MCOLN3: variants seen among roughly 807,000 people sequenced by gnomAD.
MCOLN3 encodes the protein mucolipin-3.
A neutral mutation model predicts 69.4 loss-of-function variants in MCOLN3; 62 were observed. The ratio of observed to expected loss-of-function variants is 0.89; its 90% CI spans 0.73 to 1.10. The LOEUF is 1.10. Ranked by LOEUF, MCOLN3 falls within the 50% of genes least tolerant of loss-of-function variation. The pLI is 0.00. For missense variants in MCOLN3, 564 were observed against 656.4 expected, an observed-to-expected ratio of 0.86 and a Z score of 1.54; for synonymous variants, 183 against 217.0, an observed-to-expected ratio of 0.84 and a Z score of 1.38.
At position 85,034,258 on chromosome 1, in the gene MCOLN3, C is replaced by T. The variant is rs139020532; in HGVS notation, c.397-7G>A. 8.8e-5 allele frequency: 142 copies of T among 1,613,798 alleles called. No individual in the cohort carries two copies. In the East Asian group the frequency reaches 2.2e-3, roughly 25 times the overall value. Reference sequence around the variant, plus strand: ...CATTGTATAGCTGCAAGTACTTCAACCAAAATGAGAAACAGAAAATGGGAA... The same window carrying T: ...CATTGTATAGCTGCAAGTACTTCAATCAAAATGAGAAACAGAAAATGGGAA... On this transcript the variant is annotated splice_region_variant and splice_polypyrimidine_tract_variant and intron_variant, in intron 3 of 12. Coordinates refer to ENST00000370589, the MANE Select transcript of MCOLN3 (RefSeq NM_018298.11).
chr1:85,038,490 T>C (rs1284196974), intron 3 of MCOLN3, among the ~76,000 whole-genome samples: 1 of 152,170 alleles, frequency 6.6e-6, no homozygotes, highest in East Asian at 1.9e-4. Context: ...AATCACAGTA[T>C]TGGATCAGAA....
chr1:85,046,302 T>C (rs1653348514), intron 1 of MCOLN3, among the ~76,000 whole-genome samples: 1 of 4,606 alleles, frequency 2.2e-4, no homozygotes, highest in Admixed American at 4.1e-3. Context: ...ACTTCATATC[T>C]ATTTGGGGGG....
At chr1:85,019,893 A>G (rs1365524379) in intron 12 of MCOLN3, among the ~76,000 whole-genome samples, 1 of 152,208 alleles carries the variant, frequency 6.6e-6, no homozygotes, top group Non-Finnish European at 1.5e-5. Flanking sequence ...TGGGACCTAA[A>G]ATTTCTAGGA....
At chr1:85,046,309 G>A (rs1405952893) in intron 1 of MCOLN3, among the ~76,000 whole-genome samples, 3 of 1,200 alleles carry the variant, frequency 2.5e-3, no homozygotes, top group African/African-American at 3.2e-3. Flanking sequence ...ATCTATTTGG[G>A]GGGGGGGGCA....
chr1:85,019,649 A>G (rs1405873060), intron 12 of MCOLN3, among the ~76,000 whole-genome samples: 1 of 152,212 alleles, frequency 6.6e-6, no homozygotes, highest in Non-Finnish European at 1.5e-5. Flanking sequence ...AACATGGTTC[A>G]GGCCACAAGA....
intron 3 of MCOLN3, chr1:85,036,654 C>T (rs9804097): frequency 0.99 from 150,586 of 152,238 alleles, 74,492 homozygotes; most frequent in Middle Eastern, 1. Context: ...CCCCAGCTCC[C>T]CTGGCCCTAA....
chr1:85,021,061 T>C lies in MCOLN3; in HGVS notation c.1527+9A>G. 1.9e-6 allele frequency: 3 copies of C among 1,597,994 alleles called. No individual in the cohort carries two copies. The highest frequency in any genetic ancestry group is 2.6e-6 in the Non-Finnish European group (3 of 1,169,928). On this transcript the variant is annotated intron_variant, in intron 12 of 12. Coordinates refer to ENST00000370589, the MANE Select transcript of MCOLN3 (RefSeq NM_018298.11). ...CAATGCTACTACTTATGGCTCTTGATAAACCTACCTTAATTGTTTCGTATG... is the reference window on the plus strand; with the variant it reads ...CAATGCTACTACTTATGGCTCTTGACAAACCTACCTTAATTGTTTCGTATG...
chr1:85,024,603 G>GAGGATAAT (rs1203770339), intron 9 of MCOLN3: 2 of 152,100 alleles, frequency 1.3e-5, no homozygotes, highest in Non-Finnish European at 2.9e-5. Flanking sequence ...ATGAGGATAG[G>GAGGATAAT]ACAAGGGTAT....
intron 7 of MCOLN3, 126 bp from the exon 8 acceptor site, chr1:85,026,410 A>G: frequency 1.5e-6 from 1 of 682,522 alleles, no homozygotes. Flanking sequence ...GCCCTGATAA[A>G]CGGTCTTCCA....
chr1:85,034,759 T>C (rs1652727138), intron 3 of MCOLN3, among the ~76,000 whole-genome samples: 1 of 152,216 alleles, frequency 6.6e-6, no homozygotes, highest in Admixed American at 6.5e-5. Context: ...CAATATTGCC[T>C]ATCCTAGTGG....
At chr1:85,038,276 G>A (rs1263765244) in intron 3 of MCOLN3, among the ~76,000 whole-genome samples, 3 of 152,134 alleles carry the variant, frequency 2.0e-5, no homozygotes, top group Non-Finnish European at 4.4e-5. Context: ...CTGAGGCTGG[G>A]TAGTGGAGGA....
At chr1:85,041,896 A>G (rs1197798396) in intron 2 of MCOLN3, among the ~76,000 whole-genome samples, 3 of 136,208 alleles carry the variant, frequency 2.2e-5, no homozygotes, top group African/African-American at 8.1e-5. Context: ...AAAAAAGCTT[A>G]CCATACTCTT....
rs149154630 is a variant in MCOLN3 at position 85,021,218 on chromosome 1, A to G, written c.1379T>C (p.Met460Thr). 1.2e-6 allele frequency: 2 copies of G among 1,613,966 alleles called. No homozygotes were observed. Among genetic ancestry groups the G allele is most frequent in the Non-Finnish European group, 1.7e-6 (2 of 1,179,902 alleles). ...CTGCATTTTTGCAAACGTGGCAAAC[A>G]TATCATCTCCATTTATCAGAGAGAA... ...CLFSLINGDD[M>T]FATFAKMQQK... Residue 460 changes from methionine to threonine, a missense_variant, in exon 12 of 13, where the codon ATG becomes ACG. By Grantham distance (81) the Met-to-Thr change is moderately conservative. Transcript: ENST00000370589.
rs1461505024 is a variant in MCOLN3, at chr1:85,044,476, C to T, written c.228+657G>A. 2.6e-5 allele frequency among the ~76,000 whole-genome samples: 4 copies of T among 152,152 alleles called. No homozygotes were observed. In the East Asian group the frequency reaches 7.7e-4, roughly 29 times the overall value. On this transcript the variant is annotated intron_variant, in intron 2 of 12. Coordinates refer to ENST00000370589, the MANE Select transcript of MCOLN3 (RefSeq NM_018298.11). ...TTTTAGCAAGAGATAATTTGACCAA[C>T]AGGAAAACATATTTTCATAAGAATA...
chr1:85,046,412 T>A (rs181402233), intron 1 of MCOLN3, among the ~76,000 whole-genome samples: 1 of 152,174 alleles, frequency 6.6e-6, no homozygotes, highest in African/African-American at 2.4e-5. Context: ...GAGACTGGGA[T>A]GGATCTTGGA....
At chr1:85,031,113 A>C (rs996802571) in intron 6 of MCOLN3, among the ~76,000 whole-genome samples, 2 of 152,102 alleles carry the variant, frequency 1.3e-5, no homozygotes, top group African/African-American at 4.8e-5. Context: ...TCTACTAAAA[A>C]TACAAAAACT....
At chr1:85,022,477 G>A (rs1651992951) in intron 9 of MCOLN3, 77 bp from the exon 10 acceptor site, 7 of 925,898 alleles carry the variant, frequency 7.6e-6, no homozygotes, top group African/African-American at 1.7e-5. Context: ...GTAAGTATGA[G>A]TAAGGCACTG....
At chr1:85,033,802 AT>A (rs903231769) in intron 4 of MCOLN3, among the ~76,000 whole-genome samples, 45 of 152,146 alleles carry the variant, frequency 3.0e-4, no homozygotes, top group African/African-American at 1.1e-3. Flanking sequence ...CCTGAGCCCA[AT>A]TTCAGCACTG....
intron 9 of MCOLN3, chr1:85,025,436 G>A (rs1224024912): frequency 6.6e-6 from 1 of 152,336 alleles, no homozygotes; most frequent in Non-Finnish European, 1.5e-5. Context: ...TAAGCTTGTA[G>A]CACATCAATG....
Sources: allele counts gnomAD v4.1 joint callset (sites outside exome capture counted in the v4.1 genomes callset), GRCh38; gene constraint gnomAD v4.1.1; transcripts MANE v1.5; gene names NCBI Gene and HGNC (gene_info 2026-07-23, HGNC 2026-07-21).